ACVRL1: variants seen among roughly 807,000 people sequenced by gnomAD.
ACVRL1 encodes activin receptor type-1-like.
A neutral mutation model predicts 51.9 loss-of-function variants in ACVRL1; 20 were observed. The observed-to-expected ratio is 0.39, with a 90% CI of 0.27 to 0.56. The LOEUF (loss-of-function observed/expected upper bound fraction) is 0.56, where lower values mean the gene tolerates loss of function less well. ACVRL1 is among the 20% of genes least tolerant of loss of function. ACVRL1 has a pLI of 0.67. For missense variants in ACVRL1, 451 were observed against 670.3 expected (o/e 0.67, Z 3.61); for synonymous variants, 288 against 280.9 (o/e 1.03, Z -0.25).
chr12:51,913,463 G>A (rs1356339664), intron 3 of ACVRL1, 96 bp from the exon 4 acceptor site: 11 of 1,529,802 alleles, frequency 7.2e-6, no homozygotes, highest in African/African-American at 1.4e-5. Flanking sequence ...GGGAGCGGGT[G>A]GGCAGGACTC....
At position 51,921,639 on chromosome 12, in the gene ACVRL1, A is replaced by T. The variant is rs1940982850; in HGVS notation, c.*746A>T. 6.5e-6 allele frequency: 1 copy of T among 153,568 alleles called. No individual in the cohort carries two copies. The highest frequency in any genetic ancestry group is 1.9e-4 in the East Asian group (1 of 5,212). The allele number at this position is 153,568 out of a possible 1,614,324, so 9.5% of individuals were successfully genotyped here. A position where few individuals can be genotyped will look rare whatever the true frequency, so the allele number is the denominator to read the frequency against. On this transcript the variant is annotated 3_prime_UTR_variant, in exon 10 of 10. Transcript: ENST00000388922. ...ATCGAGGCCAAGCATGGCAGGGGGA[A>T]GGTCAGTGGGTGTCAAGAGACCCAG...
intron 1 of ACVRL1, among the ~76,000 whole-genome samples, chr12:51,909,195 T>C (rs1457063648): frequency 6.6e-6 from 1 of 152,192 alleles, no homozygotes; most frequent in Admixed American, 6.5e-5. Context: ...AAAACATTGA[T>C]AAGCACCTTT....
At chr12:51,914,617 G>T (rs906126424) in intron 6 of ACVRL1, 32 bp downstream of exon 6, 1 of 1,595,858 alleles carries the variant, frequency 6.3e-7, no homozygotes, top group African/African-American at 1.3e-5. Context: ...GCCAGGCCTG[G>T]GGCTTTGCCC....
At position 51,915,407 on chromosome 12, in the gene ACVRL1, G is replaced by T. The variant is rs1085307414; in HGVS notation, c.955G>T (p.Gly319Cys). Residue 319 changes from glycine to cysteine, a missense_variant, in exon 7 of 10, where the codon GGT becomes TGT. Transcript: ENST00000388922. ...GGCGCACCTGCACGTGGAGATCTTC[G>T]GTACACAGGGCAAACCAGCCATTGC... The part of the protein sequence containing the change: ...GLAHLHVEIF[G>C]TQGKPAIAHR... 1 of 1,613,860 alleles carries T rather than the reference G, an allele frequency of 6.2e-7. No homozygotes were observed. The highest frequency in any genetic ancestry group is 1.7e-5 in the Admixed American group (1 of 60,032).
intron 9 of ACVRL1, among the ~76,000 whole-genome samples, chr12:51,920,092 C>T (rs1330740891): frequency 6.6e-6 from 1 of 152,132 alleles, no homozygotes; most frequent in African/African-American, 2.4e-5. Flanking sequence ...CACACATACA[C>T]TCACTTTCAG....
chr12:51,914,551 T>C lies in ACVRL1; in HGVS notation c.738T>C (p.Tyr246=). 1 of 1,613,790 alleles carries C rather than the reference T, an allele frequency of 6.2e-7. No individual in the cohort carries two copies. The highest frequency in any genetic ancestry group is 1.1e-5 in the South Asian group (1 of 91,040). Residue 246 remains tyrosine (Y), a synonymous_variant, in exon 6 of 10, where the codon TAT becomes TAC. Coordinates refer to ENST00000388922, the MANE Select transcript of ACVRL1 (RefSeq NM_000020.3). The part of the protein sequence containing the change: ...EQSWFRETEI[Y]NTVLLRHDNI... Reference sequence around the variant, plus strand: ...CCTGGTTCCGGGAGACTGAGATCTATAACACAGTGTTGCTCAGACACGACA... The same window carrying C: ...CCTGGTTCCGGGAGACTGAGATCTACAACACAGTGTTGCTCAGACACGACA...
Position 51,913,977 on chromosome 12 carries a change from C to A in ACVRL1, c.529C>A (p.Leu177Ile), listed in dbSNP as rs766243078. ...AGTGGCCTCTCCGTACCCCCAGGAC[C>A]TCCTGGACAGTGACTGCACCACAGG... is the stretch of plus-strand genomic sequence containing the variant. ...SEQGDSMLGD[L>I]LDSDCTTGSG... is the part of the protein sequence containing the mutation. The change falls in exon 5 of 10, where the codon CTC (leucine) becomes ATC (isoleucine). Residue 177 changes from leucine to isoleucine, a missense_variant. Transcript: ENST00000388922. 1.9e-6 allele frequency: 3 copies of A among 1,613,224 alleles called. No individual in the cohort carries two copies. In the East Asian group the frequency reaches 6.7e-5, roughly 36 times the overall value.
At position 51,913,197 on chromosome 12, in the gene ACVRL1, G is replaced by A. The variant is rs773197155; in HGVS notation, c.160G>A (p.Val54Met). 29 of 1,593,920 alleles carry A rather than the reference G, an allele frequency of 1.8e-5. No individual in the cohort carries two copies. In the South Asian group the frequency reaches 3.2e-4, roughly 17 times the overall value. Reference sequence around the variant, plus strand: ...CTGCCGGGGGGCCTGGTGCACAGTAGTGCTGGTGCGGGAGGAGGGGAGGCA... The same window carrying A: ...CTGCCGGGGGGCCTGGTGCACAGTAATGCTGGTGCGGGAGGAGGGGAGGCA... ...PTCRGAWCTVVLVREEGRHPQ... is the reference protein window; with the variant it reads ...PTCRGAWCTVMLVREEGRHPQ... Residue 54 changes from valine to methionine, a missense_variant, in exon 3 of 10, where the codon GTG becomes ATG. By Grantham distance (21) the Val-to-Met change is conservative. Transcript: ENST00000388922.
chr12:51,913,566 A>G lies in ACVRL1; in HGVS notation c.321A>G (p.Gln107=), dbSNP rs1260048588. ...AGTGTCCCCCTCCCTCAGCCACCCA[A>G]CCTCCTTCGGAGCAGCCGGGAACAG... The part of the protein sequence containing the change: ...HNVSLVLEAT[Q]PPSEQPGTDG... The change falls in exon 4 of 10, where the codon CAA becomes CAG. Residue 107 remains glutamine, a synonymous_variant. Transcript: ENST00000388922. 1.8e-5 allele frequency: 28 copies of G among 1,597,262 alleles called. No individual in the cohort carries two copies. Among genetic ancestry groups the G allele is most frequent in the Non-Finnish European group, 2.1e-5 (25 of 1,179,596 alleles).
At chr12:51,911,440 G>T (rs1012510218) in intron 1 of ACVRL1, among the ~76,000 whole-genome samples, 1 of 152,166 alleles carries the variant, frequency 6.6e-6, no homozygotes, top group Non-Finnish European at 1.5e-5. Context: ...CCCTTTCCTA[G>T]ATGGCAAGGG....
At position 51,917,721 on chromosome 12, in the gene ACVRL1, C is replaced by T. The variant is rs576897023; in HGVS notation, c.1247-1264C>T. 1.6e-4 allele frequency among the ~76,000 whole-genome samples: 24 copies of T among 152,192 alleles called. No homozygotes were observed. The South Asian group carries it at 1.9e-3, about 12-fold the overall frequency. On this transcript the variant is annotated intron_variant, in intron 8 of 9. Coordinates refer to ENST00000388922, the MANE Select transcript of ACVRL1 (RefSeq NM_000020.3). The surrounding 1 kb of genome is among the most constrained non-coding windows in gnomAD (Gnocchi z 4.2). The stretch of plus-strand genomic sequence containing the variant: ...GAGGTGCTTAGATTCCTCAAGACTC[C>T]GGGCATGAATTGCCAGAGTGGGCTC...
chr12:51,911,715 GAGCC>G (rs1940693782), intron 1 of ACVRL1, among the ~76,000 whole-genome samples: 1 of 152,224 alleles, frequency 6.6e-6, no homozygotes, highest in African/African-American at 2.4e-5. Flanking sequence ...TTCCCTGTAT[GAGCC>G]TTACTCCTCT....
In ACVRL1 at chr12:51,917,937, G is replaced by T. The variant is rs978510609; in HGVS notation, c.1247-1048G>T. On this transcript the variant is annotated intron_variant, in intron 8 of 9. Transcript: ENST00000388922. This position sits in a 1 kb window ranked among gnomAD's most constrained non-coding sequence, Gnocchi z 4.2. Reference sequence around the variant, plus strand: ...GTGTCAGCCCCGGCACTGATTAAAGGCCCATTAGACACATTCAGGCCTCTG... The same window carrying T: ...GTGTCAGCCCCGGCACTGATTAAAGTCCCATTAGACACATTCAGGCCTCTG... Among the ~76,000 whole-genome samples, 2 of 152,222 alleles carry T rather than the reference G, an allele frequency of 1.3e-5. No individual in the cohort carries two copies. Among genetic ancestry groups the T allele is most frequent in the South Asian group, 2.1e-4 (1 of 4,832 alleles).
Position 51,920,930 on chromosome 12 carries a change from C to CGGGGGGGGGG in ACVRL1, c.*37_*38insGGGGGGGGGG. The CGGGGGGGGGG allele has an allele frequency of 1.2e-5, 4 of 336,428 alleles. No homozygotes were observed. In the Admixed American group the frequency reaches 1.2e-4, roughly 10 times the overall value. The allele number at this position is 336,428 out of a possible 1,614,324, so 20.8% of individuals were successfully genotyped here. A position where few individuals can be genotyped will look rare whatever the true frequency, so the allele number is the denominator to read the frequency against. On this transcript the variant is annotated 3_prime_UTR_variant, in exon 10 of 10. Coordinates refer to ENST00000388922, the MANE Select transcript of ACVRL1 (RefSeq NM_000020.3). The stretch of plus-strand genomic sequence containing the variant: ...CTGATTCCTTTCTGCCTGCAGGGGG[C>CGGGGGGGGGG]TGGGGGGGTGGGGGGCAGTGGATGG...
chr12:51,919,464 T>G, intron 9 of ACVRL1: 1 of 366,230 alleles, frequency 2.7e-6, no homozygotes, highest in Non-Finnish European at 5.2e-6. Context: ...GGCACAGTCA[T>G]AGCTCACTGT....
intron 1 of ACVRL1, among the ~76,000 whole-genome samples, chr12:51,909,014 C>G (rs938626920): frequency 7.2e-5 from 11 of 152,160 alleles, no homozygotes; most frequent in African/African-American, 1.2e-4. Flanking sequence ...CCAATATGAA[C>G]AGCTGGGTCT....
chr12:51,917,613 C>T lies in ACVRL1; in HGVS notation c.1247-1372C>T, dbSNP rs959445544. ...TCCTGAGCATCTACCAGGAGCCAGC[C>T]CCATGCCAGACTTCATTTGTCCTCG... is the stretch of plus-strand genomic sequence containing the variant. On this transcript the variant is annotated intron_variant, in intron 8 of 9. Coordinates refer to ENST00000388922, the MANE Select transcript of ACVRL1 (RefSeq NM_000020.3). This position sits in a 1 kb window ranked among gnomAD's most constrained non-coding sequence, Gnocchi z 4.2. Among the ~76,000 whole-genome samples the T allele has an allele frequency of 6.6e-6, 1 of 152,032 alleles. No homozygotes were observed. Among genetic ancestry groups the T allele is most frequent in the Non-Finnish European group, 1.5e-5 (1 of 68,012 alleles).
Position 51,912,243 on chromosome 12 carries a change from C to G in ACVRL1, c.-5-227C>G, listed in dbSNP as rs2277381. The stretch of plus-strand genomic sequence containing the variant: ...TTCCCCAAGCTCTCAGTCACTTAAA[C>G]ATTGCTCTCCACCCTTCACCTCTAA... On this transcript the variant is annotated intron_variant, in intron 1 of 9. Coordinates refer to ENST00000388922, the MANE Select transcript of ACVRL1 (RefSeq NM_000020.3). 74,421 of 624,328 alleles carry G rather than the reference C, an allele frequency of 0.12. 5,721 individuals are homozygous for G. Among genetic ancestry groups the G allele is most frequent in the East Asian group, 0.32 (11,691 of 36,740 alleles). The allele number at this position is 624,328 out of a possible 1,614,324, so 38.7% of individuals were successfully genotyped here.
Position 51,913,611 on chromosome 12 carries a change from C to T in ACVRL1, c.366C>T (p.Ile122=). ...QPGTDGQLAL[I]LGPVLALLAL... is the part of the protein sequence containing the mutation. The stretch of plus-strand genomic sequence containing the variant: ...GAACAGATGGCCAGCTGGCCCTGAT[C>T]CTGGGCCCCGTGCTGGCCTTGCTGG... The change falls in exon 4 of 10, where the codon ATC becomes ATT. Residue 122 remains isoleucine (I), a synonymous_variant. Transcript: ENST00000388922. 1.2e-6 allele frequency: 2 copies of T among 1,602,356 alleles called. No homozygotes were observed.
Sources: gnomAD v4.1 joint callset for allele counts (sites outside exome capture counted in the v4.1 genomes callset) on GRCh38, gnomAD v4.1.1 for gene constraint, Gnocchi (gnomAD v3.1) non-coding constraint, MANE v1.5 for transcripts, NCBI Gene and HGNC (gene_info 2026-07-23, HGNC 2026-07-21) for gene names.